PTGER3: variants seen among roughly 807,000 people sequenced by gnomAD.
PTGER3 encodes prostaglandin E2 receptor EP3 subtype.
In PTGER3, 22 loss-of-function variants were observed where a neutral mutation model predicts 34.7. The ratio of observed to expected loss-of-function variants is 0.63; its 90% confidence interval spans 0.45 to 0.91. The LOEUF (loss-of-function observed/expected upper bound fraction) is 0.91. PTGER3 is among the 40% of genes least tolerant of loss of function. PTGER3 has a pLI of 0.00. For missense variants in PTGER3, 468 were observed against 519.4 expected, an observed-to-expected ratio of 0.90 and a Z score of 0.96; for synonymous variants, 241 against 230.1, an observed-to-expected ratio of 1.05 and a Z score of -0.43.
At chr1:70,928,203 A>G (rs1416468844) in intron 4 of PTGER3, among the ~76,000 whole-genome samples, 1 of 149,000 alleles carries the variant, frequency 6.7e-6, no homozygotes, top group Non-Finnish European at 1.5e-5. Flanking sequence ...ATTTATATAT[A>G]TGTCTACATA....
intron 2 of PTGER3, among the ~76,000 whole-genome samples, chr1:70,993,796 A>G (rs1655681909): frequency 6.6e-6 from 1 of 152,214 alleles, no homozygotes; most frequent in South Asian, 2.1e-4. Context: ...GCAGTGAACA[A>G]TAAGAAGAAT....
chr1:70,873,101 A>C (rs1425049457), intron 4 of PTGER3, among the ~76,000 whole-genome samples: 2 of 152,208 alleles, frequency 1.3e-5, no homozygotes, highest in East Asian at 1.9e-4. Flanking sequence ...AATATGACAA[A>C]AAAAAAATCT....
chr1:71,016,461 C>T (rs1051116837), intron 1 of PTGER3, among the ~76,000 whole-genome samples: 1 of 152,076 alleles, frequency 6.6e-6, no homozygotes, highest in Admixed American at 6.6e-5. Context: ...GGAATTACTG[C>T]TATTTAACAA....
intron 1 of PTGER3, among the ~76,000 whole-genome samples, chr1:71,031,354 A>G (rs1226611069): frequency 6.6e-6 from 1 of 152,098 alleles, no homozygotes; most frequent in African/African-American, 2.4e-5. Context: ...CTACGAATAA[A>G]TTGGATAGAT....
chr1:70,981,320 C>CTTCT (rs57513190), intron 2 of PTGER3, among the ~76,000 whole-genome samples: 42 of 71,370 alleles, frequency 5.9e-4, no homozygotes, highest in Admixed American at 1.6e-3. Context: ...TCCTTCCTTT[C>CTTCT]TTCTTTCTTT....
chr1:70,860,643 A>G (rs113993187), intron 4 of PTGER3, among the ~76,000 whole-genome samples: 2,578 of 152,286 alleles, frequency 0.017, 74 homozygotes, highest in African/African-American at 0.059. Flanking sequence ...TAGTTAGCCT[A>G]TGGTAAAATT....
intron 4 of PTGER3, among the ~76,000 whole-genome samples, chr1:70,866,822 AT>A (rs1352182322): frequency 6.6e-6 from 1 of 152,066 alleles, no homozygotes; most frequent in East Asian, 1.9e-4. Context: ...GGACTTCTGC[AT>A]TTTTTCCAGG....
intron 3 of PTGER3, among the ~76,000 whole-genome samples, chr1:70,973,783 A>G (rs1033318235): frequency 3.3e-5 from 5 of 152,178 alleles, no homozygotes; most frequent in Admixed American, 6.5e-5. Context: ...GCTTGAGGGA[A>G]GAAACTAAAG....
intron 4 of PTGER3, among the ~76,000 whole-genome samples, chr1:70,912,935 A>G (rs971295406): frequency 5.3e-5 from 8 of 151,994 alleles, no homozygotes; most frequent in Non-Finnish European, 1.2e-4. Context: ...AAGTAGTATA[A>G]GTCCTTCAAT....
chr1:71,047,268 G>A lies in PTGER3; in HGVS notation c.310C>T (p.Leu104Phe). The A allele has an allele frequency of 6.3e-7, 1 of 1,596,538 alleles. No individual in the cohort carries two copies. Among genetic ancestry groups the A allele is most frequent in the East Asian group, 2.3e-5 (1 of 44,090 alleles). The change falls in exon 1 of 4, where the codon CTT (leucine) becomes TTT (phenylalanine). Residue 104 changes from leucine (L) to phenylalanine (F), a missense_variant. Around this residue, in one of 5 missense-constraint regions of PTGER3, gnomAD observed 53 missense variants for 93.9 expected, o/e 0.56. Coordinates refer to ENST00000306666, the MANE Select transcript of PTGER3 (RefSeq NM_198719.2). ...WLALTDLVGQ[L>F]LTTPVVIVVY... is the part of the protein sequence containing the mutation. ...ACGATGACGACCGGGGTGGTGAGAA[G>A]CTGCCCGACCAGGTCGGTGAGCGCC...
downstream of PTGER3, among the ~76,000 whole-genome samples, chr1:70,966,422 A>C (rs1389697097): frequency 6.6e-6 from 1 of 152,196 alleles, no homozygotes; most frequent in Non-Finnish European, 1.5e-5. Flanking sequence ...TGAATATAAA[A>C]AAAGAAGTTA....
At chr1:71,004,643 G>C (rs1287833388) in intron 2 of PTGER3, among the ~76,000 whole-genome samples, 1 of 152,176 alleles carries the variant, frequency 6.6e-6, no homozygotes, top group Non-Finnish European at 1.5e-5. Flanking sequence ...AAAGGTCTTT[G>C]GAGACAAAGA....
intron 4 of PTGER3, among the ~76,000 whole-genome samples, chr1:70,860,535 C>T (rs1645905068): frequency 6.6e-6 from 1 of 152,110 alleles, no homozygotes; most frequent in Admixed American, 6.5e-5. Context: ...ACATTTATCT[C>T]AAGGTTTAAG....
intron 4 of PTGER3, among the ~76,000 whole-genome samples, chr1:70,860,944 C>A (rs1378571823): frequency 1.3e-5 from 2 of 152,106 alleles, no homozygotes; most frequent in Non-Finnish European, 2.9e-5. Context: ...GGAACAGAGA[C>A]AATTCTACAA....
chr1:70,971,560 A>C lies in PTGER3; in HGVS notation c.*170T>G. ...AATATTCAGAGGCATGGATTATAAT[A>C]ATAAAGTTGATCTCCATGGGTATTA... On this transcript the variant is annotated 3_prime_UTR_variant, in exon 4 of 4. Coordinates refer to ENST00000306666, the MANE Select transcript of PTGER3 (RefSeq NM_198719.2). The C allele has an allele frequency of 7.9e-7, 1 of 1,270,556 alleles. No individual in the cohort carries two copies. The highest frequency in any genetic ancestry group is 1.0e-6 in the Non-Finnish European group (1 of 1,001,328). 78.7% of individuals were successfully genotyped at this position (1,270,556 alleles called of 1,614,324 possible). A position where few individuals can be genotyped will look rare whatever the true frequency, so the allele number is the denominator to read the frequency against.
At chr1:70,887,533 T>A (rs1263210879) in intron 4 of PTGER3, among the ~76,000 whole-genome samples, 1 of 152,212 alleles carries the variant, frequency 6.6e-6, no homozygotes, top group Non-Finnish European at 1.5e-5. Flanking sequence ...ATATTTTTTT[T>A]ATGGCATGGG....
chr1:70,995,611 A>G (rs911917784), intron 2 of PTGER3, among the ~76,000 whole-genome samples: 6 of 152,178 alleles, frequency 3.9e-5, no homozygotes, highest in African/African-American at 1.4e-4. Flanking sequence ...ACAAGTAAAA[A>G]TTATAGTAAT....
At chr1:70,868,834 G>A (rs902967056) in intron 4 of PTGER3, among the ~76,000 whole-genome samples, 10 of 152,140 alleles carry the variant, frequency 6.6e-5, no homozygotes, top group Admixed American at 5.2e-4. Flanking sequence ...GTACAAGAAA[G>A]AAAAATACAA....
chr1:70,910,564 G>A (rs897737180), intron 4 of PTGER3, among the ~76,000 whole-genome samples: 1 of 152,120 alleles, frequency 6.6e-6, no homozygotes, highest in Admixed American at 6.6e-5. Flanking sequence ...ATGAGCCACT[G>A]ACTGTAGCTT....
Sources: gnomAD v4.1 joint callset for allele counts (sites outside exome capture counted in the v4.1 genomes callset) on GRCh38, gnomAD v4.1.1 for gene constraint, gnomAD v4.1.1 regional missense constraint, MANE v1.5 for transcripts, NCBI Gene and HGNC (gene_info 2026-07-23, HGNC 2026-07-21) for gene names.